The following DPP10 variants were observed in gnomAD, a reference collection of about 807,000 sequenced individuals.
DPP10 encodes inactive dipeptidyl peptidase 10.
DPP10 carries 33 observed loss-of-function variants against 120.9 expected under a neutral mutation model. The observed-to-expected ratio is 0.27, with a 90% confidence interval of 0.21 to 0.37. The LOEUF is 0.37. Ranked by LOEUF, DPP10 falls within the 10% of genes least tolerant of loss-of-function variation. DPP10 has a pLI of 1.00. For missense variants in DPP10, 816 were observed against 942.8 expected (o/e 0.87, Z 1.76); for synonymous variants, 337 against 326.1 (o/e 1.03, Z -0.36).
chr2:114,684,649 C>T (rs1699251858), intron 1 of DPP10, among the ~76,000 whole-genome samples: 1 of 151,816 alleles, frequency 6.6e-6, no homozygotes, highest in South Asian at 2.1e-4. Flanking sequence ...GTGCTCTGCT[C>T]TCCCATTTGC....
intron 1 of DPP10, among the ~76,000 whole-genome samples, chr2:114,892,349 A>G (rs1048924148): frequency 1.3e-5 from 2 of 152,202 alleles, no homozygotes; most frequent in African/African-American, 4.8e-5. Flanking sequence ...CTGTGTACCC[A>G]GTTAGATTTC....
chr2:115,500,369 CA>C (rs1476120044), intron 4 of DPP10, among the ~76,000 whole-genome samples: 1 of 151,716 alleles, frequency 6.6e-6, no homozygotes, highest in Non-Finnish European at 1.5e-5. Flanking sequence ...ACAATACAGA[CA>C]AAATATAGTA....
At chr2:115,191,963 A>G (rs985353240) in intron 1 of DPP10, among the ~76,000 whole-genome samples, 2 of 152,234 alleles carry the variant, frequency 1.3e-5, no homozygotes, top group African/African-American at 4.8e-5. Flanking sequence ...AAGGCAGTCC[A>G]TAAAGCATCT....
At chr2:114,723,680 C>A (rs1269094588) in intron 1 of DPP10, among the ~76,000 whole-genome samples, 6 of 152,130 alleles carry the variant, frequency 3.9e-5, no homozygotes, top group Non-Finnish European at 5.9e-5. Context: ...CCCAATCTTG[C>A]TTTATTTCTC....
chr2:114,610,758 T>C (rs1693217889), intron 1 of DPP10, among the ~76,000 whole-genome samples: 2 of 152,084 alleles, frequency 1.3e-5, no homozygotes, highest in Admixed American at 6.5e-5. Flanking sequence ...TCTCTGTAGT[T>C]TTGGCAGCAG....
At chr2:114,489,759 T>C (rs979409989) in intron 1 of DPP10, among the ~76,000 whole-genome samples, 6 of 152,182 alleles carry the variant, frequency 3.9e-5, no homozygotes, top group Non-Finnish European at 5.9e-5. Flanking sequence ...CAAGTGATTA[T>C]ATTTCAATCA....
chr2:114,801,107 C>G (rs532620702), intron 1 of DPP10, among the ~76,000 whole-genome samples: 1 of 151,264 alleles, frequency 6.6e-6, no homozygotes, highest in African/African-American at 2.4e-5. Flanking sequence ...ACTAAAAATA[C>G]AAAAAATTAG....
chr2:115,689,096 A>G (rs968334745), intron 5 of DPP10, among the ~76,000 whole-genome samples: 1 of 152,240 alleles, frequency 6.6e-6, no homozygotes, highest in African/African-American at 2.4e-5. Context: ...AAATGTTTAT[A>G]TAGTTTCACT....
intron 1 of DPP10, among the ~76,000 whole-genome samples, chr2:115,264,832 A>G (rs912697362): frequency 6.6e-6 from 1 of 152,180 alleles, no homozygotes; most frequent in Non-Finnish European, 1.5e-5. Flanking sequence ...CTTTATCTAC[A>G]TGATGATTGT....
intron 5 of DPP10, among the ~76,000 whole-genome samples, chr2:115,614,534 T>C (rs1246376287): frequency 6.6e-6 from 1 of 152,154 alleles, no homozygotes; most frequent in Non-Finnish European, 1.5e-5. Flanking sequence ...CAAGCAACTC[T>C]CCTGCCTCAG....
intron 5 of DPP10, among the ~76,000 whole-genome samples, chr2:115,646,524 A>G (rs2087275004): frequency 6.6e-6 from 1 of 152,210 alleles, no homozygotes; most frequent in African/African-American, 2.4e-5. Flanking sequence ...TGGCTGTGAC[A>G]TGTAATACCA....
intron 1 of DPP10, among the ~76,000 whole-genome samples, chr2:115,232,925 G>A (rs1451355862): frequency 6.6e-6 from 1 of 151,882 alleles, no homozygotes; most frequent in East Asian, 1.9e-4. Context: ...TTCATGTATG[G>A]GGCAGTTTGA....
chr2:114,542,134 A>C (rs1687011084), intron 1 of DPP10, among the ~76,000 whole-genome samples: 1 of 140,056 alleles, frequency 7.1e-6, no homozygotes, highest in Non-Finnish European at 1.5e-5. Context: ...TGCAACCTCC[A>C]CTTCCCGGGT....
intron 1 of DPP10, among the ~76,000 whole-genome samples, chr2:114,723,337 G>A (rs563722863): frequency 2.6e-5 from 4 of 152,276 alleles, no homozygotes; most frequent in Admixed American, 6.5e-5. Context: ...ACTGTGGGAT[G>A]TCTAAAGGAA....
intron 1 of DPP10, among the ~76,000 whole-genome samples, chr2:115,097,948 G>T (rs1356846079): frequency 6.6e-6 from 1 of 152,108 alleles, no homozygotes; most frequent in East Asian, 1.9e-4. Flanking sequence ...AAATTGCCTT[G>T]GAATTAACAC....
Position 115,206,369 on chromosome 2 carries a change from G to A in DPP10, c.61-102870G>A, listed in dbSNP as rs1419512000. ...TTTCAAATATTAATTACTATTCTCT[G>A]AAAAAAAGTTTCATGAAGAGAGTTC... On this transcript the variant is annotated intron_variant, in intron 1 of 25. Coordinates refer to ENST00000410059, the MANE Select transcript of DPP10 (RefSeq NM_020868.6). Among the ~76,000 whole-genome samples, 3 of 152,034 alleles carry A rather than the reference G, an allele frequency of 2.0e-5. No homozygotes were observed. In the South Asian group the frequency reaches 6.2e-4, roughly 32 times the overall value.
intron 1 of DPP10, among the ~76,000 whole-genome samples, chr2:114,513,900 T>C (rs1684379310): frequency 6.6e-6 from 1 of 152,194 alleles, no homozygotes; most frequent in South Asian, 2.1e-4. Flanking sequence ...TTGAAACTTT[T>C]AAGAAATCAG....
chr2:115,696,929 C>T (rs2091624310), intron 7 of DPP10, among the ~76,000 whole-genome samples: 1 of 151,992 alleles, frequency 6.6e-6, no homozygotes, highest in South Asian at 2.1e-4. Flanking sequence ...AATTTTGTGA[C>T]TTCAATAATT....
intron 5 of DPP10, among the ~76,000 whole-genome samples, chr2:115,574,468 T>A (rs2149102365): frequency 6.6e-6 from 1 of 152,316 alleles, no homozygotes; most frequent in African/African-American, 2.4e-5. Flanking sequence ...CTGATTCAGT[T>A]GCTTTCCCCA....
Sources: allele counts gnomAD v4.1 joint callset (sites outside exome capture counted in the v4.1 genomes callset), GRCh38; gene constraint gnomAD v4.1.1; transcripts MANE v1.5; gene names NCBI Gene and HGNC (gene_info 2026-07-23, HGNC 2026-07-21).